NBEAL1: variants seen among roughly 807,000 people sequenced by gnomAD.
The protein encoded by NBEAL1 is neurobeachin like 1, also known as neurobeachin-like protein 1.
In NBEAL1, 273 loss-of-function variants were observed where a neutral mutation model predicts 351.3. The ratio of observed to expected loss-of-function variants is 0.78; its 90% CI spans 0.70 to 0.86. NBEAL1 has a LOEUF of 0.86. Among genes scored for constraint, NBEAL1 ranks in the 40% least tolerant of loss-of-function variants. The pLI is 0.00. For missense variants in NBEAL1, 2,961 were observed against 3,201.3 expected (o/e 0.92, Z 1.81); for synonymous variants, 1,050 against 1,086.4 (o/e 0.97, Z 0.66).
intron 46 of NBEAL1, among the ~76,000 whole-genome samples, chr2:203,193,034 C>G (rs1235478866): frequency 7.2e-6 from 1 of 138,454 alleles, no homozygotes; most frequent in Non-Finnish European, 1.5e-5. Flanking sequence ...TGCAGTGGCA[C>G]GATCTTGGCT....
At chr2:203,139,063 A>G (rs2106322022) in intron 31 of NBEAL1, among the ~76,000 whole-genome samples, 1 of 152,192 alleles carries the variant, frequency 6.6e-6, no homozygotes, top group Non-Finnish European at 1.5e-5. Flanking sequence ...GACTGTTTAT[A>G]TATGTGCAGT....
At chr2:203,103,366 C>T (rs191777812) in intron 12 of NBEAL1, among the ~76,000 whole-genome samples, 89 of 152,128 alleles carry the variant, frequency 5.9e-4, no homozygotes, top group African/African-American at 1.3e-3. Flanking sequence ...CTCCGCCTCC[C>T]GGGTTCAAGC....
chr2:203,209,811 C>T (rs1033587713), intron 53 of NBEAL1, among the ~76,000 whole-genome samples: 2 of 151,198 alleles, frequency 1.3e-5, no homozygotes, highest in African/African-American at 2.4e-5. Context: ...ATCAGTGATA[C>T]AATTATAGCT....
Position 203,169,742 on chromosome 2 carries a change from T to C in NBEAL1, c.5998-5T>C. 6.4e-7 allele frequency: 1 copy of C among 1,560,096 alleles called. No individual in the cohort carries two copies. Among genetic ancestry groups the C allele is most frequent in the Non-Finnish European group, 8.7e-7 (1 of 1,147,162 alleles). On this transcript the variant is annotated splice_polypyrimidine_tract_variant and splice_region_variant and intron_variant, in intron 38 of 55. Transcript: ENST00000683969. ...TTTTAAAGTATAAAATGCTGTTTTTTATAGGTTAGAAACAAAATATATAGC... is the reference window on the plus strand; with the variant it reads ...TTTTAAAGTATAAAATGCTGTTTTTCATAGGTTAGAAACAAAATATATAGC...
At chr2:203,207,739 C>A (rs550712581) in intron 51 of NBEAL1, among the ~76,000 whole-genome samples, 1 of 152,166 alleles carries the variant, frequency 6.6e-6, no homozygotes, top group Non-Finnish European at 1.5e-5. Context: ...GTCATCACCA[C>A]TCCCTAATCT....
intron 35 of NBEAL1, among the ~76,000 whole-genome samples, chr2:203,151,864 A>G (rs1053765843): frequency 6.6e-6 from 1 of 152,180 alleles, no homozygotes; most frequent in Non-Finnish European, 1.5e-5. Flanking sequence ...GTCTCTTGCA[A>G]TGAAACAATG....
chr2:203,140,066 C>T (rs2063327888), intron 31 of NBEAL1, among the ~76,000 whole-genome samples: 1 of 151,528 alleles, frequency 6.6e-6, no homozygotes, highest in South Asian at 2.1e-4. Flanking sequence ...TTTGGGAGGC[C>T]GAGGCGGGCG....
chr2:203,216,227 C>G (rs1179733531), intron 55 of NBEAL1, among the ~76,000 whole-genome samples: 2 of 152,152 alleles, frequency 1.3e-5, no homozygotes, highest in African/African-American at 4.8e-5. Flanking sequence ...GAACAAAATG[C>G]AATTCCTGCC....
chr2:203,096,231 C>T (rs1255619262), intron 10 of NBEAL1, among the ~76,000 whole-genome samples: 2 of 152,184 alleles, frequency 1.3e-5, no homozygotes, highest in Non-Finnish European at 2.9e-5. Context: ...AGCTGCAGAA[C>T]CAAAATTCAA....
chr2:203,112,911 GTATTTATTTGTGTAATTTTATGTAC>G (rs1464656226), intron 16 of NBEAL1, 79 bp from the exon 17 acceptor site: 2 of 1,087,294 alleles, frequency 1.8e-6, no homozygotes, highest in Non-Finnish European at 1.2e-6. Context: ...TATTTTCAAT[GTATTTATTTGTGTAATTTTATGTAC>G]TATTTTATTG....
chr2:203,031,974 G>A (rs1300423945), intron 2 of NBEAL1, among the ~76,000 whole-genome samples: 3 of 152,100 alleles, frequency 2.0e-5, no homozygotes, highest in South Asian at 2.1e-4. Context: ...TGTCATTTCC[G>A]AAATTAGGCT....
In NBEAL1 at chr2:203,107,661, A is replaced by T. The variant is rs914285463; in HGVS notation, c.1422A>T (p.Gln474His). The T allele has an allele frequency of 3.2e-6, 5 of 1,552,750 alleles. No individual in the cohort carries two copies. The highest frequency in any genetic ancestry group is 4.9e-5 in the East Asian group (2 of 41,146). ...SVGILGISNV[Q>H]PLLLLIQWLP... ...GGATTTTGGGCATTAGTAATGTCCA[A>T]CCTCTCTTGCTTCTTATCCAGTGGC... is the stretch of plus-strand genomic sequence containing the variant. Residue 474 changes from glutamine (Q) to histidine (H), a missense_variant, in exon 14 of 56, where the codon CAA becomes CAT. Coordinates refer to ENST00000683969, the MANE Select transcript of NBEAL1 (RefSeq NM_001378026.1).
chr2:203,048,437 C>G (rs1466954070), intron 3 of NBEAL1, among the ~76,000 whole-genome samples: 1 of 151,880 alleles, frequency 6.6e-6, no homozygotes, highest in African/African-American at 2.4e-5. Flanking sequence ...TCTGCCATCC[C>G]CAGAGATGAT....
At position 203,041,869 on chromosome 2, in the gene NBEAL1, G is replaced by T; in HGVS notation, c.143+13G>T. The T allele has an allele frequency of 6.5e-7, 1 of 1,529,932 alleles. No homozygotes were observed. Among genetic ancestry groups the T allele is most frequent in the East Asian group, 2.4e-5 (1 of 41,054 alleles). The allele number at this position is 1,529,932 out of a possible 1,614,324, so 94.8% of individuals were successfully genotyped here. A position where few individuals can be genotyped will look rare whatever the true frequency, so the allele number is the denominator to read the frequency against. On this transcript the variant is annotated intron_variant, in intron 3 of 55. Coordinates refer to ENST00000683969, the MANE Select transcript of NBEAL1 (RefSeq NM_001378026.1). ...AGCTGCCTACCAGGTATGTAGAAAC[G>T]CTAATTTGTAACCCCTGGATGAGTT...
At chr2:203,042,856 G>A (rs1344135153) in intron 3 of NBEAL1, among the ~76,000 whole-genome samples, 1 of 152,180 alleles carries the variant, frequency 6.6e-6, no homozygotes, top group Non-Finnish European at 1.5e-5. Context: ...AAAGTGCTGG[G>A]ATTATAGGTG....
chr2:203,063,469 GGA>G (rs2061532621), intron 6 of NBEAL1, among the ~76,000 whole-genome samples: 1 of 149,738 alleles, frequency 6.7e-6, no homozygotes, highest in Admixed American at 6.7e-5. Context: ...AGGGAGGGAG[GGA>G]GAGAGGAAAG....
chr2:203,033,882 C>T (rs936763208), intron 2 of NBEAL1, among the ~76,000 whole-genome samples: 5 of 152,076 alleles, frequency 3.3e-5, no homozygotes, highest in African/African-American at 4.8e-5. Context: ...TCTCTTCCCC[C>T]GACCCTCCCT....
At chr2:203,114,848 T>G (rs1445004345) in intron 17 of NBEAL1, among the ~76,000 whole-genome samples, 2 of 114,104 alleles carry the variant, frequency 1.8e-5, no homozygotes, top group Admixed American at 1.8e-4. Flanking sequence ...GTCTCCTGGG[T>G]TCAAGTGTTT....
At chr2:203,206,165 T>C (rs1166668885) in intron 51 of NBEAL1, among the ~76,000 whole-genome samples, 5 of 152,010 alleles carry the variant, frequency 3.3e-5, no homozygotes, top group African/African-American at 1.2e-4. Context: ...AGATCAAACA[T>C]GAAATGATAA....
Sources: allele counts gnomAD v4.1 joint callset (sites outside exome capture counted in the v4.1 genomes callset), GRCh38; gene constraint gnomAD v4.1.1; transcripts MANE v1.5; gene names NCBI Gene and HGNC (gene_info 2026-07-23, HGNC 2026-07-21).